Variants in BRCA1 observed in about 807,000 individuals in gnomAD.
The protein encoded by BRCA1 is breast cancer type 1 susceptibility protein.
A neutral mutation model predicts 173.7 loss-of-function variants in BRCA1; 140 were observed. The observed-to-expected ratio is 0.81, with a 90% CI of 0.70 to 0.93. The LOEUF (loss-of-function observed/expected upper bound fraction) is 0.93, where lower values mean the gene tolerates loss of function less well. Ranked by LOEUF, BRCA1 falls within the 40% of genes least tolerant of loss-of-function variation. BRCA1 has a pLI of 0.00. For missense variants in BRCA1, 1,983 were observed against 2,172.5 expected, an observed-to-expected ratio of 0.91 and a Z score of 1.73; for synonymous variants, 662 against 756.0, an observed-to-expected ratio of 0.88 and a Z score of 2.04.
At position 43,099,824 on chromosome 17, in the gene BRCA1, C is replaced by G. The variant is rs1474499188; in HGVS notation, c.498G>C (p.Arg166Ser). The G allele has an allele frequency of 6.2e-7, 1 of 1,613,872 alleles. No homozygotes were observed. Among genetic ancestry groups the G allele is most frequent in the East Asian group, 2.2e-5 (1 of 44,884 alleles). The change falls in exon 7 of 23, where the codon AGG (arginine) becomes AGC (serine). Residue 166 changes from arginine (R) to serine (S), a missense_variant. Transcript: ENST00000357654. Reference protein sequence around the residue: ...LSNLGTVRTLRTKQRIQPQKT... With the variant: ...LSNLGTVRTLSTKQRIQPQKT... ...TTTGAGGTTGTATCCGCTGCTTTGT[C>G]CTCAGAGTTCTCACAGTTCCAAGGT... is the stretch of plus-strand genomic sequence containing the variant.
Position 43,092,125 on chromosome 17 carries a change from G to T in BRCA1, c.3406C>A (p.Pro1136Thr), listed in dbSNP as rs431825395. 4 of 1,613,606 alleles carry T rather than the reference G, an allele frequency of 2.5e-6. No individual in the cohort carries two copies. The highest frequency in any genetic ancestry group is 1.7e-5 in the Admixed American group (1 of 60,018). Residue 1136 changes from proline (P) to threonine (T), a missense_variant, in exon 10 of 23, where the codon CCT becomes ACT. By Grantham distance (38) the Pro-to-Thr change is conservative. Transcript: ENST00000357654. ...PYLISDNLEQ[P>T]MGSSHASQVC... ...TGAGATGCATGACTACTTCCCATAG[G>T]CTGTTCTAAGTTATCTGAAATCAGA...
intron 2 of BRCA1, among the ~76,000 whole-genome samples, chr17:43,117,324 C>T (rs1174314353): frequency 1.3e-5 from 2 of 152,094 alleles, no homozygotes; most frequent in African/African-American, 2.4e-5. Context: ...TGCCTGTGGT[C>T]TCAGCTACTT....
chr17:43,054,947 A>T (rs905781478), intron 19 of BRCA1, among the ~76,000 whole-genome samples: 1 of 151,936 alleles, frequency 6.6e-6, no homozygotes, highest in African/African-American at 2.4e-5. Flanking sequence ...ATGGGGTTTC[A>T]CCATGTTGGC....
In BRCA1 at chr17:43,094,544, A is replaced by G. The variant is rs774849810; in HGVS notation, c.987T>C (p.Asn329=). The change falls in exon 10 of 23, where the codon AAT becomes AAC. Residue 329 remains asparagine, a synonymous_variant. Transcript: ENST00000357654. ...NRWAGSKETC[N]DRRTPSTEKK... Reference sequence around the variant, plus strand: ...TTTCTGTGCTGGGAGTCCGCCTATCATTACATGTTTCCTTACTTCCAGCCC... The same window carrying G: ...TTTCTGTGCTGGGAGTCCGCCTATCGTTACATGTTTCCTTACTTCCAGCCC... 1.5e-5 allele frequency: 24 copies of G among 1,614,174 alleles called. No homozygotes were observed. The Admixed American group carries it at 3.8e-4, about 26-fold the overall frequency.
chr17:43,076,640 CTACTT>C lies in BRCA1; in HGVS notation c.4358-31_4358-27del, dbSNP rs776362840. 9 of 1,610,494 alleles carry C rather than the reference CTACTT, an allele frequency of 5.6e-6. No homozygotes were observed. The highest frequency in any genetic ancestry group is 1.1e-5 in the South Asian group (1 of 90,990). ...CTTTAAATGGAATGAGAAAACAAAT[CTACTT>C]TACTGCTTTGTTCTGATAGTGATAA... On this transcript the variant is annotated intron_variant, in intron 12 of 22. Transcript: ENST00000357654.
At chr17:43,086,880 TCAGATA>T (rs2053248605) in intron 11 of BRCA1, among the ~76,000 whole-genome samples, 1 of 152,134 alleles carries the variant, frequency 6.6e-6, no homozygotes, top group South Asian at 2.1e-4. Flanking sequence ...TGGTGACAGC[TCAGATA>T]CAGAGTGGGG....
In BRCA1 at chr17:43,093,462, T is replaced by C. The variant is rs2154401162; in HGVS notation, c.2069A>G (p.Lys690Arg). 1.2e-6 allele frequency: 2 copies of C among 1,614,100 alleles called. No individual in the cohort carries two copies. The highest frequency in any genetic ancestry group is 1.7e-6 in the Non-Finnish European group (2 of 1,179,984). Residue 690 changes from lysine to arginine, a missense_variant, in exon 10 of 23, where the codon AAA (lysine) becomes AGA (arginine). By Grantham distance (26) the Lys-to-Arg change is conservative (BLOSUM62 2). Coordinates refer to ENST00000357654, the MANE Select transcript of BRCA1 (RefSeq NM_007294.4). Reference protein sequence around the residue: ...KSNKPNEQTSKRHDSDTFPEL... With the variant: ...KSNKPNEQTSRRHDSDTFPEL... ...TGGGAAAGTATCGCTGTCATGTCTT[T>C]TACTTGTCTGTTCATTTGGCTTGTT...
At chr17:43,134,829 G>A (rs1023645189) in intron 1 of BRCA1, among the ~76,000 whole-genome samples, 2 of 152,188 alleles carry the variant, frequency 1.3e-5, no homozygotes, top group African/African-American at 4.8e-5. Context: ...TTTGAAAGCA[G>A]ACACTGGGAC....
chr17:43,128,734 T>C (rs536190253), upstream of BRCA1, among the ~76,000 whole-genome samples: 2 of 152,254 alleles, frequency 1.3e-5, no homozygotes, highest in Non-Finnish European at 2.9e-5. Flanking sequence ...CGAGACCCCG[T>C]TAAAGAGATC....
intron 2 of BRCA1, among the ~76,000 whole-genome samples, chr17:43,120,400 T>C (rs1167064924): frequency 6.6e-6 from 1 of 152,226 alleles, no homozygotes; most frequent in Non-Finnish European, 1.5e-5. Context: ...TATACTGTAC[T>C]ATATTAAAAG....
At chr17:43,047,582 G>A in intron 22 of BRCA1, 61 bp downstream of exon 22, 2 of 1,549,530 alleles carry the variant, frequency 1.3e-6, no homozygotes, top group Admixed American at 3.3e-5. Context: ...CAGGTAATGA[G>A]TGATAAACCA....
chr17:43,113,941 G>A (rs919057805), intron 3 of BRCA1, among the ~76,000 whole-genome samples: 3 of 152,094 alleles, frequency 2.0e-5, no homozygotes, highest in Non-Finnish European at 4.4e-5. Context: ...TGGGTGTGGT[G>A]GCAGATGCCT....
rs1034217286 is a variant in BRCA1 at position 43,076,444 on chromosome 17, A to G, written c.4484+44T>C. 2.5e-6 allele frequency: 4 copies of G among 1,608,442 alleles called. No individual in the cohort carries two copies. The African/African-American group carries it at 5.3e-5, about 22-fold the overall frequency. ...TTAACAATCAGAGTTCAATATAAATAAAGATGTCAGATACCACAGCATCTT... is the reference window on the plus strand; with the variant it reads ...TTAACAATCAGAGTTCAATATAAATGAAGATGTCAGATACCACAGCATCTT... On this transcript the variant is annotated intron_variant, in intron 13 of 22. Transcript: ENST00000357654.
chr17:43,056,944 T>C (rs2153336466), intron 19 of BRCA1, 108 bp downstream of exon 19: 1 of 962,906 alleles, frequency 1.0e-6, no homozygotes, highest in East Asian at 2.4e-5. Context: ...TAGCACTGTG[T>C]ATGTATGTAA....
intron 19 of BRCA1, among the ~76,000 whole-genome samples, chr17:43,051,811 A>G (rs1446144485): frequency 5.9e-5 from 9 of 151,634 alleles, no homozygotes; most frequent in Admixed American, 5.9e-4. Flanking sequence ...TAATTTTTGT[A>G]TTTTTAGTAG....
intron 19 of BRCA1, among the ~76,000 whole-genome samples, chr17:43,054,825 C>T (rs1210399231): frequency 1.3e-5 from 2 of 151,464 alleles, no homozygotes; most frequent in Non-Finnish European, 2.9e-5. Flanking sequence ...TCACTGCAAC[C>T]TCCGCCTCCT....
chr17:43,137,090 A>G (rs1202749802), intron 1 of BRCA1, among the ~76,000 whole-genome samples: 1 of 152,128 alleles, frequency 6.6e-6, no homozygotes, highest in East Asian at 1.9e-4. Context: ...ACCATAATAT[A>G]CTATGCAGTC....
intron 2 of BRCA1, among the ~76,000 whole-genome samples, chr17:43,120,778 A>G (rs1424815658): frequency 2.0e-5 from 3 of 151,488 alleles, no homozygotes; most frequent in African/African-American, 7.3e-5. Context: ...AACAAAACAA[A>G]CAAAAATTAA....
intron 21 of BRCA1, 65 bp from the exon 22 acceptor site, chr17:43,047,768 A>T (rs960072819): frequency 6.4e-7 from 1 of 1,571,074 alleles, no homozygotes; most frequent in Non-Finnish European, 8.8e-7. Context: ...CTGTCACTTC[A>T]TCATTTTTTT....
Sources: gnomAD v4.1 joint callset for allele counts (sites outside exome capture counted in the v4.1 genomes callset) on GRCh38, gnomAD v4.1.1 for gene constraint, MANE v1.5 for transcripts, NCBI Gene and HGNC (gene_info 2026-07-23, HGNC 2026-07-21) for gene names.